Variants in RSF1 observed in about 807,000 individuals in gnomAD.
The protein encoded by RSF1 is remodeling and spacing factor 1.
A neutral mutation model predicts 145.2 loss-of-function variants in RSF1; 13 were observed. The observed-to-expected ratio is 0.09, with a 90% CI of 0.06 to 0.14. The LOEUF (loss-of-function observed/expected upper bound fraction) is 0.14. Among genes scored for constraint, RSF1 ranks in the 10% least tolerant of loss-of-function variants. RSF1 has a pLI of 1.00. For synonymous variants in RSF1, 577 were observed against 592.6 expected (o/e 0.97, Z 0.38); for missense variants, 1,517 against 1,718.2 (o/e 0.88, Z 2.07).
intron 2 of RSF1, among the ~76,000 whole-genome samples, chr11:77,754,045 C>A (rs942192504): frequency 3.3e-5 from 5 of 152,176 alleles, no homozygotes; most frequent in Non-Finnish European, 5.9e-5. Flanking sequence ...ATAATTATGA[C>A]TCTGGTCTTC....
intron 1 of RSF1, among the ~76,000 whole-genome samples, chr11:77,803,741 G>A (rs1214313659): frequency 6.6e-6 from 1 of 151,994 alleles, no homozygotes; most frequent in Non-Finnish European, 1.5e-5. Flanking sequence ...GCACGCTACT[G>A]CACTCCAGTG....
In RSF1 at chr11:77,787,521, T is replaced by G. The variant is rs148930275; in HGVS notation, c.188-22832A>C. 3.6e-3 allele frequency among the ~76,000 whole-genome samples: 549 copies of G among 152,224 alleles called. 6 individuals are homozygous for G. Among genetic ancestry groups the G allele is most frequent in the Non-Finnish European group, 6.4e-3 (432 of 68,008 alleles). On this transcript the variant is annotated intron_variant, in intron 1 of 15. Coordinates refer to ENST00000308488, the MANE Select transcript of RSF1 (RefSeq NM_016578.4). ...TTTACACTACAGTAGAAGAGAGAGA[T>G]AGCTGACACACAAACTGTAGAGCCC...
At chr11:77,678,860 A>T (rs970809330) in intron 11 of RSF1, among the ~76,000 whole-genome samples, 10 of 152,202 alleles carry the variant, frequency 6.6e-5, no homozygotes, top group Non-Finnish European at 1.5e-4. Context: ...CCCTCACCAG[A>T]CAGCATACCT....
In RSF1 at chr11:77,683,755, A is replaced by G. The variant is rs1319172591; in HGVS notation, c.3020T>C (p.Leu1007Ser). 12 of 1,613,300 alleles carry G rather than the reference A, an allele frequency of 7.4e-6. No individual in the cohort carries two copies. The highest frequency in any genetic ancestry group is 1.0e-5 in the Non-Finnish European group (12 of 1,179,914). Reference sequence around the variant, plus strand: ...TGTTCTTGTTGACCTCCTTTCAAGCAAGTTTGCTTTGGATTTTTTTGAATC... The same window carrying G: ...TGTTCTTGTTGACCTCCTTTCAAGCGAGTTTGCTTTGGATTTTTTTGAATC... ...KKDSKKSKANLLERRSTRTRK... is the reference protein window; with the variant it reads ...KKDSKKSKANSLERRSTRTRK... Residue 1007 changes from leucine to serine, a missense_variant, in exon 11 of 16, where the codon TTG (leucine) becomes TCG (serine). Physicochemically the swap from Leu to Ser is moderately radical, Grantham distance 145 (BLOSUM62 -2). Transcript: ENST00000308488.
upstream of RSF1, chr11:77,820,744 T>TG (rs759941935): frequency 1.2e-5 from 18 of 1,529,468 alleles, no homozygotes; most frequent in Middle Eastern, 2.3e-4. Flanking sequence ...GAGGAGGCGA[T>TG]GGGGGGGCGG....
chr11:77,682,686 T>C (rs1959896097), intron 11 of RSF1, among the ~76,000 whole-genome samples: 2 of 152,198 alleles, frequency 1.3e-5, no homozygotes, highest in South Asian at 4.1e-4. Flanking sequence ...AAAACAGACA[T>C]GGTCCTTACC....
intron 4 of RSF1, among the ~76,000 whole-genome samples, chr11:77,733,403 T>A (rs1264268363): frequency 6.6e-6 from 1 of 151,106 alleles, no homozygotes; most frequent in African/African-American, 2.5e-5. Context: ...TATAACTTTA[T>A]CTTCCTTAGT....
the RSF1 span, among the ~76,000 whole-genome samples, chr11:77,843,184 C>T: frequency 6.6e-6 from 1 of 152,146 alleles, no homozygotes; most frequent in Non-Finnish European, 1.5e-5. Flanking sequence ...ACACATTGTT[C>T]TTTTCATTGT....
intron 12 of RSF1, among the ~76,000 whole-genome samples, 161 bp downstream of exon 12, chr11:77,677,924 TG>T (rs1294608507): frequency 6.6e-6 from 1 of 152,192 alleles, no homozygotes; most frequent in Non-Finnish European, 1.5e-5. Flanking sequence ...ACACTGACAT[TG>T]TATCCACAAA....
At chr11:77,686,529 T>C (rs1960012236) in intron 9 of RSF1, among the ~76,000 whole-genome samples, 1 of 150,780 alleles carries the variant, frequency 6.6e-6, no homozygotes, top group Non-Finnish European at 1.5e-5. Flanking sequence ...GAAATAGTAA[T>C]CATTCTGTCT....
chr11:77,705,760 C>T (rs569155954), intron 5 of RSF1, among the ~76,000 whole-genome samples: 24 of 151,952 alleles, frequency 1.6e-4, no homozygotes, highest in African/African-American at 3.9e-4. Context: ...GTCCCAGCTA[C>T]GTGGGAGGAT....
chr11:77,844,581 T>G, the RSF1 span, among the ~76,000 whole-genome samples: 80 of 152,206 alleles, frequency 5.3e-4, no homozygotes, highest in African/African-American at 1.9e-3. Flanking sequence ...AGGCTGGTCT[T>G]GAACTCCTGA....
At chr11:77,672,286 G>A in intron 14 of RSF1, 56 bp from the exon 15 acceptor site, 1 of 1,389,300 alleles carries the variant, frequency 7.2e-7, no homozygotes, top group Non-Finnish European at 9.8e-7. Context: ...TAGAAATGTA[G>A]CTTAGGTTAT....
At chr11:77,793,840 T>C (rs1296929125) in intron 1 of RSF1, among the ~76,000 whole-genome samples, 1 of 151,872 alleles carries the variant, frequency 6.6e-6, no homozygotes, top group African/African-American at 2.4e-5. Flanking sequence ...GGTGTAAGAG[T>C]AGCTGCGCTC....
At chr11:77,785,925 CAAAAAAAAAA>C (rs10661397) in intron 1 of RSF1, among the ~76,000 whole-genome samples, 13 of 37,140 alleles carry the variant, frequency 3.5e-4, no homozygotes, top group South Asian at 1.8e-3. Context: ...GATTCTGTCT[CAAAAAAAAAA>C]AAAAAAAAAA....
At chr11:77,855,803 A>G in the RSF1 span, among the ~76,000 whole-genome samples, 59,769 of 149,056 alleles carry the variant, frequency 0.4, 12,609 homozygotes, top group African/African-American at 0.52. Context: ...TTGCTGCTTA[A>G]AAATTTCTTC....
Position 77,729,895 on chromosome 11 carries a change from CAA to C in RSF1, c.579-4198_579-4197del, listed in dbSNP as rs398045289. ...TATAAATGCCAAATTATTCAGTAGG[CAA>C]AAAAAAAAAAAAAAAAAAAAAAAAA... On this transcript the variant is annotated intron_variant, in intron 4 of 15. Coordinates refer to ENST00000308488, the MANE Select transcript of RSF1 (RefSeq NM_016578.4). 2.2e-3 allele frequency among the ~76,000 whole-genome samples: 109 copies of C among 48,926 alleles called. 1 individual carries two copies. The highest frequency in any genetic ancestry group is 8.3e-3 in the East Asian group (11 of 1,324). The allele number at this position is 48,926 out of a possible 152,430, so 32.1% of individuals were successfully genotyped here. A position where few individuals can be genotyped will look rare whatever the true frequency, so the allele number is the denominator to read the frequency against.
In RSF1 at chr11:77,745,087, A is replaced by G. The variant is rs144038638; in HGVS notation, c.372+1949T>C. On this transcript the variant is annotated intron_variant, in intron 3 of 15. Transcript: ENST00000308488. ...TTCTATATAATCCAAACAATTGTTC[A>G]TAGTTGTTTCTATGATCCTTTGTAT... 2.9e-3 allele frequency among the ~76,000 whole-genome samples: 437 copies of G among 152,222 alleles called. 5 individuals are homozygous for G. Among genetic ancestry groups the G allele is most frequent in the African/African-American group, 0.01 (419 of 41,534 alleles).
chr11:77,701,465 T>C lies in RSF1; in HGVS notation c.1764A>G (p.Leu588=). The C allele has an allele frequency of 6.2e-7, 1 of 1,614,176 alleles. No individual in the cohort carries two copies. Among genetic ancestry groups the C allele is most frequent in the Non-Finnish European group, 8.5e-7 (1 of 1,180,026 alleles). Reference sequence around the variant, plus strand: ...CAAGAAAAGTCTTTTTGGACTTCTCTAACTTTTCAAGACATTCTAGGATTG... The same window carrying C: ...CAAGAAAAGTCTTTTTGGACTTCTCCAACTTTTCAAGACATTCTAGGATTG... ...RPPILECLEK[L]EKSKKTFLDK... is the part of the protein sequence containing the mutation. The change falls in exon 6 of 16, where the codon TTA becomes TTG. Residue 588 remains leucine, a synonymous_variant. Transcript: ENST00000308488.
Sources: allele counts gnomAD v4.1 joint callset (sites outside exome capture counted in the v4.1 genomes callset), GRCh38; gene constraint gnomAD v4.1.1; transcripts MANE v1.5; gene names NCBI Gene and HGNC (gene_info 2026-07-23, HGNC 2026-07-21).